The following DNAAF9 variants were observed in gnomAD, a reference collection of about 807,000 sequenced individuals.
DNAAF9 encodes shulin.
Under a neutral mutation model 167.0 loss-of-function variants are expected in DNAAF9, and 90 were observed. That is an observed-to-expected ratio of 0.54 (90% CI 0.45 to 0.64). The LOEUF is 0.64. Among genes scored for constraint, DNAAF9 ranks in the 30% least tolerant of loss-of-function variants. The pLI is 0.00. For missense variants in DNAAF9, 1,315 were observed against 1,442.2 expected, an observed-to-expected ratio of 0.91 and a Z score of 1.43; for synonymous variants, 491 against 508.8, an observed-to-expected ratio of 0.96 and a Z score of 0.47.
chr20:3,332,168 A>ATTGG, intron 11 of DNAAF9, 112 bp downstream of exon 11: 1 of 636,716 alleles, frequency 1.6e-6, no homozygotes, highest in African/African-American at 1.8e-5. Context: ...AGGCCCACAA[A>ATTGG]TTGGGTAACC....
intron 6 of DNAAF9, among the ~76,000 whole-genome samples, chr20:3,371,024 C>G (rs954388391): frequency 2.6e-5 from 4 of 152,108 alleles, no homozygotes; most frequent in South Asian, 2.1e-4. Flanking sequence ...AATTTCCATT[C>G]TCTATTCTCC....
intron 31 of DNAAF9, among the ~76,000 whole-genome samples, chr20:3,261,495 G>A (rs1327072275): frequency 1.3e-5 from 2 of 151,658 alleles, no homozygotes; most frequent in Non-Finnish European, 2.9e-5. Context: ...AGCCTCCCGA[G>A]TAGCTGGGAT....
chr20:3,329,117 G>A (rs966686021), intron 12 of DNAAF9, among the ~76,000 whole-genome samples: 3 of 151,940 alleles, frequency 2.0e-5, no homozygotes, highest in South Asian at 2.1e-4. Context: ...TGATCCACCC[G>A]CCTTGGCCTC....
chr20:3,262,700 A>T (rs116892018), intron 31 of DNAAF9, among the ~76,000 whole-genome samples: 1 of 152,106 alleles, frequency 6.6e-6, no homozygotes, highest in African/African-American at 2.4e-5. Context: ...TGATTACAGG[A>T]GCCTCATGAC....
At chr20:3,296,365 G>T in intron 23 of DNAAF9, 1 of 323,284 alleles carries the variant, frequency 3.1e-6, no homozygotes, top group South Asian at 2.7e-5. Context: ...ACTGGCTCCT[G>T]GCAGTGGGGA....
intron 34 of DNAAF9, 54 bp from the exon 35 acceptor site, chr20:3,255,338 G>A: frequency 9.3e-7 from 1 of 1,080,860 alleles, no homozygotes; most frequent in Non-Finnish European, 1.4e-6. Context: ...TGGAGTGCAT[G>A]GGCAGGGGAG....
intron 23 of DNAAF9, chr20:3,296,075 T>A: frequency 1.3e-6 from 1 of 741,030 alleles, no homozygotes; most frequent in South Asian, 1.3e-5. Flanking sequence ...TACTGTTAGC[T>A]GAGAACAGTG....
At chr20:3,256,326 G>A in intron 33 of DNAAF9, 115 bp from the exon 34 acceptor site, 2 of 757,970 alleles carry the variant, frequency 2.6e-6, no homozygotes, top group Non-Finnish European at 4.5e-6. Context: ...GCAAGAGACA[G>A]AACTGATGTG....
At chr20:3,351,374 C>T (rs2070320041) in intron 7 of DNAAF9, among the ~76,000 whole-genome samples, 1 of 152,076 alleles carries the variant, frequency 6.6e-6, no homozygotes, top group African/African-American at 2.4e-5. Context: ...ATCCCAGCTA[C>T]TGGAGAGGCT....
chr20:3,281,630 C>T lies in DNAAF9; in HGVS notation c.2612+11G>A, dbSNP rs780214301. 2.5e-6 allele frequency: 4 copies of T among 1,598,648 alleles called. No homozygotes were observed. Among genetic ancestry groups the T allele is most frequent in the Non-Finnish European group, 3.4e-6 (4 of 1,174,498 alleles). On this transcript the variant is annotated intron_variant, in intron 28 of 36. Coordinates refer to ENST00000252032, the MANE Select transcript of DNAAF9 (RefSeq NM_001009984.3). ...CTTTCAGTACACTTACACACCATAT[C>T]CTGTATCTACCTGTGCTCCATGTAG... is the stretch of plus-strand genomic sequence containing the variant.
chr20:3,270,629 G>GT, intron 29 of DNAAF9, 67 bp from the exon 30 acceptor site: 1 of 1,438,582 alleles, frequency 7.0e-7, no homozygotes, highest in South Asian at 1.2e-5. Context: ...TCACACAAAC[G>GT]TGAGCCCTTG....
intron 1 of DNAAF9, among the ~76,000 whole-genome samples, chr20:3,393,429 T>C (rs1400684489): frequency 6.6e-6 from 1 of 152,076 alleles, no homozygotes; most frequent in Non-Finnish European, 1.5e-5. Context: ...TGGAGACTGC[T>C]TGAGCCCAGG....
At chr20:3,396,460 G>A (rs1485065323) in intron 1 of DNAAF9, among the ~76,000 whole-genome samples, 6 of 152,214 alleles carry the variant, frequency 3.9e-5, no homozygotes, top group East Asian at 3.9e-4. Flanking sequence ...AAAAATCCTC[G>A]GAACAAAACC....
intron 26 of DNAAF9, among the ~76,000 whole-genome samples, chr20:3,289,386 G>A (rs2068909263): frequency 6.6e-6 from 1 of 152,126 alleles, no homozygotes; most frequent in Non-Finnish European, 1.5e-5. Context: ...TGAGGTTACA[G>A]GTGAACTATG....
At chr20:3,343,068 G>C (rs1003779599) in intron 9 of DNAAF9, among the ~76,000 whole-genome samples, 2 of 152,036 alleles carry the variant, frequency 1.3e-5, no homozygotes, top group African/African-American at 4.8e-5. Flanking sequence ...CATTTGTTAG[G>C]TCCCATTTAT....
chr20:3,371,589 C>T (rs564097183), intron 6 of DNAAF9, among the ~76,000 whole-genome samples: 16 of 152,028 alleles, frequency 1.1e-4, no homozygotes, highest in Non-Finnish European at 1.6e-4. Context: ...GTGATCCGCC[C>T]GCCTCGGCCT....
At chr20:3,264,372 T>C (rs967130380) in intron 31 of DNAAF9, 66 bp downstream of exon 31, 4 of 790,914 alleles carry the variant, frequency 5.1e-6, no homozygotes, top group Non-Finnish European at 8.7e-6. Context: ...TTTTTTTTTT[T>C]CTGTAAATAA....
chr20:3,260,661 CCT>C (rs948610325), intron 31 of DNAAF9, among the ~76,000 whole-genome samples: 4 of 152,138 alleles, frequency 2.6e-5, no homozygotes, highest in African/African-American at 9.6e-5. Context: ...ACAAGGTCTC[CCT>C]CTGTTTCCCA....
intron 1 of DNAAF9, among the ~76,000 whole-genome samples, chr20:3,407,252 G>A (rs1485580942): frequency 2.6e-5 from 4 of 152,132 alleles, no homozygotes; most frequent in African/African-American, 7.2e-5. Flanking sequence ...GTCTGTGGGG[G>A]AGCCATTGTG....
Sources: gnomAD v4.1 joint callset for allele counts (sites outside exome capture counted in the v4.1 genomes callset) on GRCh38, gnomAD v4.1.1 for gene constraint, MANE v1.5 for transcripts, NCBI Gene and HGNC (gene_info 2026-07-23, HGNC 2026-07-21) for gene names.